Variants in CCDC33 observed in about 807,000 individuals in gnomAD.
CCDC33 encodes the protein coiled-coil domain containing 33.
A neutral mutation model predicts 91.9 loss-of-function variants in CCDC33; 94 were observed. The observed-to-expected ratio is 1.02, with a 90% CI of 0.87 to 1.21. The LOEUF (loss-of-function observed/expected upper bound fraction) is 1.21. CCDC33 is among the 50% of genes most tolerant of loss of function. The pLI, the probability that CCDC33 is intolerant of heterozygous loss-of-function variation, is 0.00. For missense variants in CCDC33, 940 were observed against 935.5 expected, an observed-to-expected ratio of 1.00 and a Z score of -0.06; for synonymous variants, 396 against 374.5, an observed-to-expected ratio of 1.06 and a Z score of -0.66.
upstream of CCDC33, among the ~76,000 whole-genome samples, chr15:74,216,538 C>CT (rs112654498): frequency 0.95 from 35,644 of 37,484 alleles, 17,236 homozygotes; most frequent in East Asian, 1. Flanking sequence ...GCCAATACCA[C>CT]TTTTTTTTTT....
Position 74,331,011 on chromosome 15 carries a change from CT to C in CCDC33, c.1577del (p.Leu526ArgfsTer12). ...KNDREKELLL[L>X]YQAQQPQAAL... ...TGATCGAGAGAAGGAGCTGCTCCTT[CT>C]GTATCAGGCCCAGCAGCCACAGGCC... On this transcript the variant is annotated frameshift_variant, in exon 14 of 19. Coordinates refer to ENST00000398814, the MANE Select transcript of CCDC33 (RefSeq NM_025055.5). LOFTEE classifies it high-confidence loss of function. 1 of 1,605,836 alleles carries C rather than the reference CT, an allele frequency of 6.2e-7. No individual in the cohort carries two copies. The highest frequency in any genetic ancestry group is 8.5e-7 in the Non-Finnish European group (1 of 1,176,124).
Position 74,316,584 on chromosome 15 carries a change from T to A in CCDC33, c.1291-13605T>A. ...GGGATAGCAGGGGGCACACACCCATTTCCCTGGTGGGGAGGCTGAGGGGCA... is the reference window on the plus strand; with the variant it reads ...GGGATAGCAGGGGGCACACACCCATATCCCTGGTGGGGAGGCTGAGGGGCA... On this transcript the variant is annotated intron_variant, in intron 11 of 18. Transcript: ENST00000398814. This position sits in a 1 kb window ranked among gnomAD's most constrained non-coding sequence, Gnocchi z 4.7. 6.6e-6 allele frequency among the ~76,000 whole-genome samples: 1 copy of A among 152,036 alleles called. No individual in the cohort carries two copies. The highest frequency in any genetic ancestry group is 1.9e-4 in the East Asian group (1 of 5,174).
At chr15:74,220,992 A>T (rs1461571859) in intron 2 of CCDC33, among the ~76,000 whole-genome samples, 1 of 152,158 alleles carries the variant, frequency 6.6e-6, no homozygotes, top group Non-Finnish European at 1.5e-5. Flanking sequence ...GCTGTCAGCG[A>T]GCAATATTCA....
At chr15:74,268,205 A>G in intron 4 of CCDC33, 137 bp from the exon 5 acceptor site, 1 of 681,340 alleles carries the variant, frequency 1.5e-6, no homozygotes, top group African/African-American at 1.8e-5. Context: ...CACAGGGACC[A>G]TGAGCTTTAA....
At chr15:74,219,499 G>A (rs1462550908) in intron 2 of CCDC33, among the ~76,000 whole-genome samples, 1 of 152,134 alleles carries the variant, frequency 6.6e-6, no homozygotes, top group East Asian at 1.9e-4. Context: ...GTATAATAGT[G>A]CACAGAATCC....
At chr15:74,237,346 A>T (rs2075197180) in intron 1 of CCDC33, among the ~76,000 whole-genome samples, 1 of 152,220 alleles carries the variant, frequency 6.6e-6, no homozygotes. Flanking sequence ...GTGTGATGAG[A>T]TGTAAACAGT....
At position 74,236,582 on chromosome 15, in the gene CCDC33, A is replaced by T; in HGVS notation, c.-138A>T. The stretch of plus-strand genomic sequence containing the variant: ...CACCCCTGAGACCACATTGACCTCC[A>T]TACTGTCTACTACCCATAAGGACTC... On this transcript the variant is annotated 5_prime_UTR_variant, in exon 1 of 19. Transcript: ENST00000398814. The T allele has an allele frequency of 2.0e-6, 1 of 495,088 alleles. No homozygotes were observed. The highest frequency in any genetic ancestry group is 3.2e-5 in the Admixed American group (1 of 30,940). 30.7% of individuals were successfully genotyped at this position (495,088 alleles called of 1,614,324 possible).
chr15:74,322,472 T>C (rs750536391), intron 11 of CCDC33, among the ~76,000 whole-genome samples: 77 of 152,308 alleles, frequency 5.1e-4, no homozygotes, highest in Non-Finnish European at 7.4e-4. Flanking sequence ...AGCCCCAACA[T>C]CTTCCCTGGA....
intron 2 of CCDC33, among the ~76,000 whole-genome samples, chr15:74,230,680 C>G (rs1372926881): frequency 6.6e-6 from 1 of 152,190 alleles, no homozygotes; most frequent in African/African-American, 2.4e-5. Context: ...AAGCTTGGGC[C>G]AGAGGTGCTC....
intron 1 of CCDC33, chr15:74,207,651 C>T (rs1164051384): frequency 1.8e-5 from 27 of 1,505,970 alleles, no homozygotes; most frequent in South Asian, 1.1e-4. Flanking sequence ...GAAGAGAACA[C>T]GCAAGAGAGG....
chr15:74,280,624 G>A lies in CCDC33; in HGVS notation c.890-44G>A, dbSNP rs767389321. ...GTCAGGTATTAAAGGATGGGGCCGA[G>A]GTGGGGGCTTTGGCAGGAGCCCTAG... On this transcript the variant is annotated intron_variant, in intron 8 of 18. Coordinates refer to ENST00000398814, the MANE Select transcript of CCDC33 (RefSeq NM_025055.5). The A allele has an allele frequency of 2.6e-5, 38 of 1,435,292 alleles. 1 individual carries two copies. The highest frequency in any genetic ancestry group is 5.3e-5 in the East Asian group (2 of 37,832). 88.9% of individuals were successfully genotyped at this position (1,435,292 alleles called of 1,614,324 possible). A position where few individuals can be genotyped will look rare whatever the true frequency, so the allele number is the denominator to read the frequency against.
At chr15:74,334,926 T>C (rs762015202) in intron 17 of CCDC33, 49 bp from the exon 18 acceptor site, 1 of 1,452,290 alleles carries the variant, frequency 6.9e-7, no homozygotes, top group Non-Finnish European at 9.7e-7. Flanking sequence ...CCATCAGGGA[T>C]TAGCCCTGCT....
rs1214702139 is a variant in CCDC33 at position 74,332,687 on chromosome 15, A to G, written c.1780A>G (p.Met594Val). 3.1e-6 allele frequency: 5 copies of G among 1,613,952 alleles called. No individual in the cohort carries two copies. The highest frequency in any genetic ancestry group is 1.1e-5 in the South Asian group (1 of 91,084). The change falls in exon 16 of 19, where the codon ATG becomes GTG. Residue 594 changes from methionine (M) to valine (V), a missense_variant. Met to Val is a conservative substitution (Grantham distance 21). Transcript: ENST00000398814. The stretch of plus-strand genomic sequence containing the variant: ...TGTGGCCGTGTCTCTAGGCTTCCCT[A>G]TGCTCTCAGCCTCTGGCCTTCCCTT... The part of the protein sequence containing the change: ...QQGKPYTGFP[M>V]LSASGLPLGS...
chr15:74,294,180 C>G (rs1227287380), intron 10 of CCDC33, among the ~76,000 whole-genome samples: 1 of 152,078 alleles, frequency 6.6e-6, no homozygotes, highest in African/African-American at 2.4e-5. Context: ...GCAGTGTGCC[C>G]ATTGCTCTAT....
At chr15:74,261,955 G>A (rs1033179000) in intron 2 of CCDC33, among the ~76,000 whole-genome samples, 9 of 152,350 alleles carry the variant, frequency 5.9e-5, no homozygotes, top group Non-Finnish European at 1.0e-4. Context: ...TGGGATTGCC[G>A]GGTGGAGCCT....
chr15:74,322,493 G>A (rs2142828598), intron 11 of CCDC33, among the ~76,000 whole-genome samples: 1 of 152,326 alleles, frequency 6.6e-6, no homozygotes, highest in African/African-American at 2.4e-5. Flanking sequence ...GCTAACCCAG[G>A]ATAGAGGCCC....
At chr15:74,213,877 C>T (rs939926829), upstream of CCDC33, among the ~76,000 whole-genome samples, 1 of 152,154 alleles carries the variant, frequency 6.6e-6, no homozygotes, top group Non-Finnish European at 1.5e-5. Context: ...ATCACCTAAT[C>T]GCAGTGGCCC....
intron 11 of CCDC33, among the ~76,000 whole-genome samples, chr15:74,297,167 C>T (rs1421498841): frequency 6.6e-6 from 1 of 152,248 alleles, no homozygotes; most frequent in Non-Finnish European, 1.5e-5. Context: ...GCAGGGCCAT[C>T]CTGCTCAGGC....
chr15:74,239,716 C>T (rs1041821174), intron 1 of CCDC33, among the ~76,000 whole-genome samples: 7 of 152,310 alleles, frequency 4.6e-5, no homozygotes, highest in Middle Eastern at 3.4e-3. Flanking sequence ...TGAGAGGGAG[C>T]CTGAGAAGCT....
Sources: allele counts gnomAD v4.1 joint callset (sites outside exome capture counted in the v4.1 genomes callset), GRCh38; gene constraint gnomAD v4.1.1; non-coding constraint Gnocchi (gnomAD v3.1); transcripts MANE v1.5; gene names NCBI Gene and HGNC (gene_info 2026-07-23, HGNC 2026-07-21).